Variants in PHACTR1 observed in about 807,000 individuals in gnomAD.
PHACTR1 encodes the protein RPEL repeat containing 1.
A neutral mutation model predicts 69.2 loss-of-function variants in PHACTR1; 16 were observed. The ratio of observed to expected loss-of-function variants is 0.23; its 90% CI spans 0.16 to 0.35. The LOEUF is 0.35. Ranked by LOEUF, PHACTR1 falls within the 10% of genes least tolerant of loss-of-function variation. PHACTR1 has a pLI of 1.00. For synonymous variants in PHACTR1, 312 were observed against 284.5 expected (o/e 1.10, Z -0.97); for missense variants, 510 against 734.7 (o/e 0.69, Z 3.54).
intron 5 of PHACTR1, among the ~76,000 whole-genome samples, chr6:13,114,104 G>C (rs530925829): frequency 6.6e-6 from 1 of 152,126 alleles, no homozygotes; most frequent in Non-Finnish European, 1.5e-5. Flanking sequence ...TCCTTCATCC[G>C]TGGCTTCCCT....
At chr6:13,252,446 C>T (rs1055887416) in intron 10 of PHACTR1, among the ~76,000 whole-genome samples, 21 of 151,806 alleles carry the variant, frequency 1.4e-4, no homozygotes, top group Admixed American at 3.3e-4. Context: ...TCCTTCTTTC[C>T]GTTTCCCATA....
intron 5 of PHACTR1, among the ~76,000 whole-genome samples, chr6:13,121,329 T>G (rs1818696247): frequency 6.6e-6 from 1 of 152,148 alleles, no homozygotes; most frequent in Admixed American, 6.5e-5. Context: ...ATCCTGTCAC[T>G]TAATAGCTAG....
intron 4 of PHACTR1, among the ~76,000 whole-genome samples, chr6:12,873,185 A>T (rs187967361): frequency 2.1e-3 from 322 of 151,622 alleles, no homozygotes; most frequent in African/African-American, 7.3e-3. Flanking sequence ...CTAACTTTTT[A>T]AAAAATTCTT....
At chr6:12,897,698 TTTATTATTATTATTA>T (rs10526737) in intron 4 of PHACTR1, among the ~76,000 whole-genome samples, 8 of 148,878 alleles carry the variant, frequency 5.4e-5, no homozygotes, top group East Asian at 2.0e-4. Flanking sequence ...TTTGTAATCT[TTTATTATTATTATTA>T]TTATTATTAT....
chr6:12,721,327 T>C (rs944821091), intron 3 of PHACTR1, among the ~76,000 whole-genome samples: 2 of 151,804 alleles, frequency 1.3e-5, no homozygotes, highest in Admixed American at 1.3e-4. Context: ...GAGGTTGCAG[T>C]GAGTGGGGGT....
At chr6:13,250,376 C>G (rs936311884) in intron 10 of PHACTR1, among the ~76,000 whole-genome samples, 3 of 152,230 alleles carry the variant, frequency 2.0e-5, no homozygotes, top group African/African-American at 7.2e-5. Flanking sequence ...TTTACCTTTA[C>G]TTCTTAGTCC....
At chr6:13,001,263 A>G (rs1049524785) in intron 4 of PHACTR1, among the ~76,000 whole-genome samples, 2 of 152,238 alleles carry the variant, frequency 1.3e-5, no homozygotes, top group African/African-American at 4.8e-5. Context: ...AAAGAATGAA[A>G]TGAGGATGCC....
At chr6:12,962,179 C>T (rs1004730976) in intron 4 of PHACTR1, among the ~76,000 whole-genome samples, 2 of 152,128 alleles carry the variant, frequency 1.3e-5, no homozygotes, top group Non-Finnish European at 2.9e-5. Flanking sequence ...CAAGTGATCT[C>T]ACTCCTTGGC....
chr6:12,829,850 G>A (rs1184838421), intron 4 of PHACTR1, among the ~76,000 whole-genome samples: 6 of 150,790 alleles, frequency 4.0e-5, no homozygotes, highest in South Asian at 4.2e-4. Context: ...CCCAGCTGCT[G>A]GGGAGGCAGA....
At chr6:13,032,371 T>G (rs1369276592) in intron 4 of PHACTR1, among the ~76,000 whole-genome samples, 1 of 152,246 alleles carries the variant, frequency 6.6e-6, no homozygotes, top group African/African-American at 2.4e-5. Context: ...TTTTATAGCA[T>G]TTTACTGTAG....
intron 4 of PHACTR1, among the ~76,000 whole-genome samples, chr6:12,961,934 T>G (rs1792794385): frequency 6.6e-6 from 1 of 152,082 alleles, no homozygotes; most frequent in African/African-American, 2.4e-5. Context: ...TTGTTGTTTT[T>G]GTTTTTGGTT....
At chr6:12,840,942 C>T (rs574548946) in intron 4 of PHACTR1, among the ~76,000 whole-genome samples, 5 of 152,286 alleles carry the variant, frequency 3.3e-5, no homozygotes, top group East Asian at 3.9e-4. Flanking sequence ...GTGGATGGCA[C>T]GGTCACTCTC....
At chr6:13,090,715 C>A (rs1411583736) in intron 5 of PHACTR1, among the ~76,000 whole-genome samples, 2 of 152,120 alleles carry the variant, frequency 1.3e-5, no homozygotes, top group African/African-American at 4.8e-5. Context: ...TTAGGTCAGC[C>A]AGCAATTGGC....
intron 4 of PHACTR1, among the ~76,000 whole-genome samples, chr6:12,799,940 C>T (rs1773505001): frequency 6.6e-6 from 1 of 152,164 alleles, no homozygotes; most frequent in East Asian, 1.9e-4. Context: ...TTTGCAATTA[C>T]AAAAAGTTTT....
intron 4 of PHACTR1, among the ~76,000 whole-genome samples, chr6:12,911,458 CT>C (rs1488732216): frequency 2.0e-5 from 3 of 152,162 alleles, no homozygotes; most frequent in African/African-American, 7.2e-5. Context: ...TTTATCTTAG[CT>C]GGTGAGAAAG....
At chr6:12,927,314 T>C (rs1788376389) in intron 4 of PHACTR1, among the ~76,000 whole-genome samples, 1 of 152,170 alleles carries the variant, frequency 6.6e-6, no homozygotes, top group South Asian at 2.1e-4. Context: ...TATAAACTCT[T>C]TGGGGCTAGG....
At chr6:13,260,546 A>G (rs944832170) in intron 10 of PHACTR1, among the ~76,000 whole-genome samples, 2 of 152,206 alleles carry the variant, frequency 1.3e-5, no homozygotes, top group Non-Finnish European at 2.9e-5. Context: ...AATTTTGACC[A>G]GGACTGGCAG....
rs920867609 is a variant in PHACTR1 at position 13,272,590 on chromosome 6, C to T, written c.1392-270C>T. 4.5e-6 allele frequency: 4 copies of T among 893,774 alleles called. No individual in the cohort carries two copies. In the South Asian group the frequency reaches 7.7e-5, roughly 17 times the overall value. 55.4% of individuals were successfully genotyped at this position (893,774 alleles called of 1,614,324 possible). A position where few individuals can be genotyped will look rare whatever the true frequency, so the allele number is the denominator to read the frequency against. On this transcript the variant is annotated intron_variant, in intron 10 of 14. Transcript: ENST00000332995. ...CCCGTCTGAGTTGCAGTCCACTTGCCTGGGGCCACTGGAGGAGATGGGGCT... is the reference window on the plus strand; with the variant it reads ...CCCGTCTGAGTTGCAGTCCACTTGCTTGGGGCCACTGGAGGAGATGGGGCT...
chr6:12,912,074 T>C (rs1309554975), intron 4 of PHACTR1, among the ~76,000 whole-genome samples: 2 of 151,298 alleles, frequency 1.3e-5, no homozygotes, highest in Non-Finnish European at 3.0e-5. Flanking sequence ...CTCGGCTCAC[T>C]GCAACCTCCG....
Sources: gnomAD v4.1 joint callset for allele counts (sites outside exome capture counted in the v4.1 genomes callset) on GRCh38, gnomAD v4.1.1 for gene constraint, MANE v1.5 for transcripts, NCBI Gene and HGNC (gene_info 2026-07-23, HGNC 2026-07-21) for gene names.